CLEC7A: variants seen among roughly 807,000 people sequenced by gnomAD.
CLEC7A encodes the protein C-type lectin domain containing 7A.
A neutral mutation model predicts 26.9 loss-of-function variants in CLEC7A; 25 were observed. The ratio of observed to expected loss-of-function variants is 0.93; its 90% CI spans 0.68 to 1.30. The LOEUF is 1.30. CLEC7A is among the 50% of genes most tolerant of loss of function. The pLI is 0.00. For synonymous variants in CLEC7A, 100 were observed against 99.5 expected (o/e 1.01, Z -0.03); for missense variants, 275 against 286.7 (o/e 0.96, Z 0.29).
intron 5 of CLEC7A, among the ~76,000 whole-genome samples, chr12:10,121,794 G>T (rs776142460): frequency 6.6e-6 from 1 of 152,132 alleles, no homozygotes; most frequent in South Asian, 2.1e-4. Flanking sequence ...AATAAATTAG[G>T]TCAGGAGATC....
At chr12:10,129,492 A>G (rs1948417578) in intron 1 of CLEC7A, among the ~76,000 whole-genome samples, 1 of 152,250 alleles carries the variant, frequency 6.6e-6, no homozygotes. Context: ...ATTTTCATGA[A>G]AAAAGGTTTA....
intron 1 of CLEC7A, 85 bp from the exon 2 acceptor site, chr12:10,127,930 T>C: frequency 1.0e-6 from 1 of 970,268 alleles, no homozygotes; most frequent in Admixed American, 2.7e-5. Context: ...TCATCAAAAA[T>C]CTGGCCTTGC....
At position 10,123,245 on chromosome 12, in the gene CLEC7A, A is replaced by C; in HGVS notation, c.611T>G (p.Leu204Ter). ...WEDGSTFSSN[L>*]FQIRTTATQE... Reference sequence around the variant, plus strand: ...AAGCATTGTCTCTCCAAACACTTACAAGTTAGAAGAGAATGTTGATCCATC... The same window carrying C: ...AAGCATTGTCTCTCCAAACACTTACCAGTTAGAAGAGAATGTTGATCCATC... Residue 204 changes from leucine (L) to a stop codon, truncating the protein, a stop_gained and splice_region_variant, in exon 5 of 6, where the codon TTA becomes TGA. Transcript: ENST00000304084. LOFTEE classifies it low-confidence loss of function (END_TRUNC). 6.4e-7 allele frequency: 1 copy of C among 1,565,624 alleles called. No homozygotes were observed. Among genetic ancestry groups the C allele is most frequent in the East Asian group, 2.2e-5 (1 of 44,654 alleles).
chr12:10,124,969 G>A (rs1382636635), intron 4 of CLEC7A: 1 of 274,290 alleles, frequency 3.6e-6, no homozygotes, highest in Non-Finnish European at 7.2e-6. Context: ...GATCGAGGTA[G>A]GCAGATCGCT....
At chr12:10,118,874 T>C (rs558380636) in intron 5 of CLEC7A, among the ~76,000 whole-genome samples, 3 of 152,302 alleles carry the variant, frequency 2.0e-5, no homozygotes, top group African/African-American at 7.2e-5. Flanking sequence ...TTTAATATTC[T>C]ATAAAAAGTT....
At chr12:10,120,733 G>A (rs1260822813) in intron 5 of CLEC7A, among the ~76,000 whole-genome samples, 2 of 128,448 alleles carry the variant, frequency 1.6e-5, no homozygotes, top group Admixed American at 1.6e-4. Context: ...CGGCCCAAGG[G>A]CTAGTTTTTT....
chr12:10,126,295 A>G (rs543692793), intron 3 of CLEC7A: 1 of 983,278 alleles, frequency 1.0e-6, no homozygotes, highest in Admixed American at 6.1e-5. Flanking sequence ...TCTCCTGTAG[A>G]TCTAAGCACA....
intron 3 of CLEC7A, among the ~76,000 whole-genome samples, 169 bp from the exon 4 acceptor site, chr12:10,125,617 TA>T (rs1948256446): frequency 6.6e-6 from 1 of 152,214 alleles, no homozygotes; most frequent in South Asian, 2.1e-4. Flanking sequence ...GAGAATACAT[TA>T]AAATCTTCCT....
chr12:10,120,841 G>A (rs1255774866), intron 5 of CLEC7A, among the ~76,000 whole-genome samples: 2 of 144,534 alleles, frequency 1.4e-5, no homozygotes, highest in African/African-American at 2.5e-5. Context: ...TGCAACCTCC[G>A]TCTCCCGGGT....
In CLEC7A at chr12:10,117,308, C is replaced by G. The variant is rs1947940008; in HGVS notation, c.*1150G>C. 1.3e-5 allele frequency: 2 copies of G among 152,218 alleles called. No individual in the cohort carries two copies. Among genetic ancestry groups the G allele is most frequent in the Admixed American group, 6.6e-5 (1 of 15,262 alleles). The allele number at this position is 152,218 out of a possible 1,614,324, so 9.4% of individuals were successfully genotyped here. A position where few individuals can be genotyped will look rare whatever the true frequency, so the allele number is the denominator to read the frequency against. Reference sequence around the variant, plus strand: ...ACTTGGGAGGCCGAGGCAGGCAGATCACTTGAGGTCAGGAGTTCGGGACTA... The same window carrying G: ...ACTTGGGAGGCCGAGGCAGGCAGATGACTTGAGGTCAGGAGTTCGGGACTA... On this transcript the variant is annotated 3_prime_UTR_variant, in exon 6 of 6. Transcript: ENST00000304084.
rs557224612 is a variant in CLEC7A, at chr12:10,120,964, G to A, written c.611+2281C>T. Among the ~76,000 whole-genome samples, 24 of 151,402 alleles carry A rather than the reference G, an allele frequency of 1.6e-4. No individual in the cohort carries two copies. In the East Asian group the frequency reaches 3.8e-3, roughly 24 times the overall value. ...CCAGCTACTCAGGAGGCTGAGGTGG[G>A]AGAATCGCTTGAACCCAGGAGGCAG... On this transcript the variant is annotated intron_variant, in intron 5 of 5. Transcript: ENST00000304084.
chr12:10,125,574 C>A, intron 3 of CLEC7A, 126 bp from the exon 4 acceptor site: 1 of 672,052 alleles, frequency 1.5e-6, no homozygotes, highest in South Asian at 2.7e-5. Flanking sequence ...ATTTCATTGT[C>A]AATTCGAACT....
At position 10,130,028 on chromosome 12, in the gene CLEC7A, G is replaced by A. The variant is rs145205272; in HGVS notation, c.55C>T (p.His19Tyr). 9.6e-5 allele frequency: 154 copies of A among 1,611,294 alleles called. No individual in the cohort carries two copies. Among genetic ancestry groups the A allele is most frequent in the Non-Finnish European group, 1.2e-4 (144 of 1,177,486 alleles). The change falls in exon 1 of 6, where the codon CAC (histidine) becomes TAC (tyrosine). Residue 19 changes from histidine (H) to tyrosine (Y), a missense_variant. By Grantham distance (83) the His-to-Tyr change is moderately conservative. Coordinates refer to ENST00000304084, the MANE Select transcript of CLEC7A (RefSeq NM_197947.3). ...CTGGTATTGCTTTGAGAGTCGAAGTGTAATTGAGTATATCCATCTTCATCC... is the reference window on the plus strand; with the variant it reads ...CTGGTATTGCTTTGAGAGTCGAAGTATAATTGAGTATATCCATCTTCATCC... Reference protein sequence around the residue: ...NLDEDGYTQLHFDSQSNTRIA... With the variant: ...NLDEDGYTQLYFDSQSNTRIA...
chr12:10,127,134 A>G (rs1416329951), intron 2 of CLEC7A: 44 of 1,163,630 alleles, frequency 3.8e-5, no homozygotes, highest in Admixed American at 5.3e-5. Flanking sequence ...TAATTAAGGA[A>G]TGTCATGAAG....
intron 2 of CLEC7A, 145 bp downstream of exon 2, chr12:10,127,602 T>C: frequency 1.1e-6 from 1 of 923,906 alleles, no homozygotes; most frequent in Non-Finnish European, 1.8e-6. Flanking sequence ...GAAATGGGCA[T>C]TAACAGCACC....
intron 5 of CLEC7A, among the ~76,000 whole-genome samples, chr12:10,122,579 A>C (rs192233826): frequency 3.0e-4 from 44 of 148,236 alleles, no homozygotes; most frequent in African/African-American, 1.1e-3. Context: ...GCTCACTGCA[A>C]CCTCTGTCTC....
intron 4 of CLEC7A, chr12:10,125,058 G>A (rs1446091801): frequency 5.7e-6 from 3 of 526,586 alleles, no homozygotes; most frequent in African/African-American, 1.9e-5. Context: ...AACATTAGAC[G>A]AGTGTGGTGG....
intron 5 of CLEC7A, among the ~76,000 whole-genome samples, chr12:10,122,832 G>A (rs1948137747): frequency 6.6e-6 from 1 of 152,068 alleles, no homozygotes; most frequent in African/African-American, 2.4e-5. Context: ...ATGGGACTCA[G>A]AGAGGAAAAG....
intron 5 of CLEC7A, among the ~76,000 whole-genome samples, chr12:10,122,851 C>T (rs1003179389): frequency 6.6e-6 from 1 of 152,080 alleles, no homozygotes; most frequent in Admixed American, 6.6e-5. Flanking sequence ...AGTGACTTAT[C>T]CCCAGTGTCA....
Sources: gnomAD v4.1 joint callset for allele counts (sites outside exome capture counted in the v4.1 genomes callset) on GRCh38, gnomAD v4.1.1 for gene constraint, MANE v1.5 for transcripts, NCBI Gene and HGNC (gene_info 2026-07-23, HGNC 2026-07-21) for gene names.